AKT1S1: variants seen among roughly 807,000 people sequenced by gnomAD.
AKT1S1 encodes the protein AKT1 substrate 1.
Under a neutral mutation model 21.2 loss-of-function variants are expected in AKT1S1, and 17 were observed. The ratio of observed to expected loss-of-function variants is 0.80; its 90% CI spans 0.55 to 1.20. The LOEUF is 1.20. AKT1S1 is among the 50% of genes most tolerant of loss of function. AKT1S1 has a pLI of 0.00. For synonymous variants in AKT1S1, 181 were observed against 165.6 expected, an observed-to-expected ratio of 1.09 and a Z score of -0.72; for missense variants, 366 against 368.3, an observed-to-expected ratio of 0.99 and a Z score of 0.05.
At chr19:49,876,853 C>T (rs2074953604) in intron 1 of AKT1S1, 1 of 523,594 alleles carries the variant, frequency 1.9e-6, no homozygotes, top group South Asian at 3.3e-5. Flanking sequence ...CAATAATGGC[C>T]GTCCTCATAT....
chr19:49,872,867 C>A, intron 2 of AKT1S1, 50 bp downstream of exon 2: 1 of 1,556,456 alleles, frequency 6.4e-7, no homozygotes, highest in East Asian at 2.3e-5. Context: ...AAGCCTCCTG[C>A]GGGCACCTCA....
Position 49,871,835 on chromosome 19 carries a change from TCA to T in AKT1S1, c.432_433del (p.Cys144Ter). The T allele has an allele frequency of 6.2e-7, 1 of 1,610,970 alleles. No individual in the cohort carries two copies. The highest frequency in any genetic ancestry group is 1.1e-5 in the South Asian group (1 of 90,938). On this transcript the variant is annotated stop_gained and frameshift_variant, in exon 3 of 5. Coordinates refer to ENST00000344175, the MANE Select transcript of AKT1S1 (RefSeq NM_001098633.4). LOFTEE classifies it high-confidence loss of function. ...ACCATCTGTACTCTCGGGGTCTGAC[TCA>T]CAGAAGGGGGGAAGGTCCTGGAGGG...
upstream of AKT1S1, chr19:49,877,859 C>T: frequency 9.9e-6 from 13 of 1,308,800 alleles, no homozygotes; most frequent in Non-Finnish European, 1.4e-5. Flanking sequence ...TGGCAAACAC[C>T]GATCTCTTAT....
chr19:49,869,868 G>T lies in AKT1S1; in HGVS notation c.*49C>A. On this transcript the variant is annotated 3_prime_UTR_variant, in exon 5 of 5. Coordinates refer to ENST00000344175, the MANE Select transcript of AKT1S1 (RefSeq NM_001098633.4). ...CAGGCCCCGGGAGTGGGGCGGGGGC[G>T]TAGTGTGGGACGGGGCGGACGCGGC... 1 of 1,413,052 alleles carries T rather than the reference G, an allele frequency of 7.1e-7. No individual in the cohort carries two copies. Among genetic ancestry groups the T allele is most frequent in the Non-Finnish European group, 9.4e-7 (1 of 1,066,870 alleles). The allele number at this position is 1,413,052 out of a possible 1,614,324, so 87.5% of individuals were successfully genotyped here. A position where few individuals can be genotyped will look rare whatever the true frequency, so the allele number is the denominator to read the frequency against.
Position 49,870,061 on chromosome 19 carries a change from C to A in AKT1S1, c.628-1G>T. 6.6e-7 allele frequency: 1 copy of A among 1,526,346 alleles called. No individual in the cohort carries two copies. The highest frequency in any genetic ancestry group is 8.8e-7 in the Non-Finnish European group (1 of 1,133,176). 94.6% of individuals were successfully genotyped at this position (1,526,346 alleles called of 1,614,324 possible). A position where few individuals can be genotyped will look rare whatever the true frequency, so the allele number is the denominator to read the frequency against. ...TGCGGTCCAGGTCGGGCGAAGAGGG[C>A]TGCGGGGACGGCGACGGGGCGAGGT... On this transcript the variant is annotated splice_acceptor_variant, in intron 4 of 4. Transcript: ENST00000344175. LOFTEE classifies it high-confidence loss of function.
chr19:49,877,825 G>C (rs960502642), upstream of AKT1S1: 2 of 1,484,210 alleles, frequency 1.3e-6, no homozygotes, highest in Non-Finnish European at 1.8e-6. Context: ...TCAGGCCTTG[G>C]CTCTCGAGAA....
intron 1 of AKT1S1, chr19:49,875,301 TCA>T (rs1450176932): frequency 6.0e-5 from 9 of 150,998 alleles, no homozygotes; most frequent in African/African-American, 2.2e-4. Flanking sequence ...AAAGTGAGGC[TCA>T]GAGAGCTTAG....
intron 2 of AKT1S1, 28 bp from the exon 3 acceptor site, chr19:49,871,917 G>A: frequency 6.2e-7 from 1 of 1,610,990 alleles, no homozygotes; most frequent in Non-Finnish European, 8.5e-7. Flanking sequence ...TAGAGGCCCA[G>A]GCCAGGCAGC....
At chr19:49,870,249 C>G (rs2074869499) in intron 4 of AKT1S1, among the ~76,000 whole-genome samples, 189 bp from the exon 5 acceptor site, 2 of 152,188 alleles carry the variant, frequency 1.3e-5, no homozygotes, top group Admixed American at 1.3e-4. Context: ...CCCTTCTACC[C>G]GGTTCAGACA....
chr19:49,878,032 C>G (rs2074973504), upstream of AKT1S1: 1 of 917,286 alleles, frequency 1.1e-6, no homozygotes, highest in African/African-American at 1.7e-5. Context: ...GGGCAATGGC[C>G]CTCCCGGCCC....
At chr19:49,872,072 CA>C (rs1228541523) in intron 2 of AKT1S1, among the ~76,000 whole-genome samples, 183 bp from the exon 3 acceptor site, 1 of 152,182 alleles carries the variant, frequency 6.6e-6, no homozygotes, top group Non-Finnish European at 1.5e-5. Flanking sequence ...CGGCAAAAAC[CA>C]ACCCAGTTTC....
rs1410769181 is a variant in AKT1S1, at chr19:49,873,469, C to G, written c.-7-167G>C. The stretch of plus-strand genomic sequence containing the variant: ...AACCTGCTACTCCCCAGGATTCTCA[C>G]CATCCAGTCCTCGCAGGCCCAGACC... On this transcript the variant is annotated intron_variant, in intron 1 of 4. Transcript: ENST00000344175. This position sits in a 1 kb window ranked among gnomAD's most constrained non-coding sequence, Gnocchi z 6.9. 9 of 1,259,888 alleles carry G rather than the reference C, an allele frequency of 7.1e-6. No homozygotes were observed. In the African/African-American group the frequency reaches 1.3e-4, roughly 18 times the overall value. 78.0% of individuals were successfully genotyped at this position (1,259,888 alleles called of 1,614,324 possible).
chr19:49,876,262 GAGGCC>G, intron 1 of AKT1S1: 1 of 1,142,616 alleles, frequency 8.8e-7, no homozygotes. Flanking sequence ...CGCCCAGACG[GAGGCC>G]AGGACCGGAA....
chr19:49,869,765 G>A lies in AKT1S1; in HGVS notation c.*152C>T, dbSNP rs1001273441. 2 of 934,202 alleles carry A rather than the reference G, an allele frequency of 2.1e-6. No individual in the cohort carries two copies. The highest frequency in any genetic ancestry group is 3.5e-5 in the African/African-American group (2 of 57,286). The allele number at this position is 934,202 out of a possible 1,614,324, so 57.9% of individuals were successfully genotyped here. ...GCGGCAGGTCGTGGGCTGGAAGGAC[G>A]GCGGGGATTGGCAGAGGCGGGACAA... On this transcript the variant is annotated 3_prime_UTR_variant, in exon 5 of 5. Transcript: ENST00000344175.
upstream of AKT1S1, chr19:49,878,014 T>G: frequency 1.2e-6 from 1 of 822,546 alleles, no homozygotes; most frequent in African/African-American, 1.7e-5. Context: ...CTCCCCGCCT[T>G]GGTCCCGGGG....
intron 4 of AKT1S1, 83 bp from the exon 5 acceptor site, chr19:49,870,143 C>T: frequency 7.6e-7 from 1 of 1,319,514 alleles, no homozygotes; most frequent in Non-Finnish European, 9.7e-7. Flanking sequence ...TGCACCCGGG[C>T]TCCAAGCCCA....
intron 1 of AKT1S1, chr19:49,876,538 G>GC: frequency 6.9e-7 from 1 of 1,459,564 alleles, no homozygotes; most frequent in South Asian, 1.4e-5. Context: ...CCCTCCCAGC[G>GC]CCCCGCTGCC....
rs1430017307 is a variant in AKT1S1, at chr19:49,873,054, G to A, written c.242C>T (p.Pro81Leu). 1.3e-6 allele frequency: 2 copies of A among 1,557,566 alleles called. No individual in the cohort carries two copies. The highest frequency in any genetic ancestry group is 8.7e-7 in the Non-Finnish European group (1 of 1,152,006). The stretch of plus-strand genomic sequence containing the variant: ...GGGACTGGGTGGCTGTGGTGCTGGT[G>A]GGGGCGCAGGAGGCCGAGCAGCAGT... The part of the protein sequence containing the change: ...AATAARPPAP[P>L]PAPQPPSPTP... Residue 81 changes from proline (P) to leucine (L), a missense_variant, in exon 2 of 5, where the codon CCA becomes CTA. Pro to Leu is a moderately conservative substitution (Grantham distance 98). Coordinates refer to ENST00000344175, the MANE Select transcript of AKT1S1 (RefSeq NM_001098633.4). The surrounding 1 kb of genome is among the most constrained non-coding windows in gnomAD (Gnocchi z 6.9).
At chr19:49,877,844 G>C (rs1326091927), upstream of AKT1S1, 4 of 1,413,900 alleles carry the variant, frequency 2.8e-6, no homozygotes, top group Non-Finnish European at 3.9e-6. Context: ...AATCCGGCAC[G>C]GCCTTGGCAA....
Sources: allele counts gnomAD v4.1 joint callset (sites outside exome capture counted in the v4.1 genomes callset), GRCh38; gene constraint gnomAD v4.1.1; non-coding constraint Gnocchi (gnomAD v3.1); transcripts MANE v1.5; gene names NCBI Gene and HGNC (gene_info 2026-07-23, HGNC 2026-07-21).